Variants in WWOX observed in about 807,000 individuals in gnomAD.
WWOX encodes WW domain-containing oxidoreductase.
Under a neutral mutation model 46.2 loss-of-function variants are expected in WWOX, and 69 were observed. The observed-to-expected ratio is 1.49, with a 90% CI of 1.23 to 1.82. The LOEUF (loss-of-function observed/expected upper bound fraction) is 1.82, where lower values mean the gene tolerates loss of function less well. Among genes scored for constraint, WWOX ranks in the 40% most tolerant of loss-of-function variants. The probability of loss-of-function intolerance (pLI) is 0.00; values close to 1 mark genes in which losing one functional copy is unlikely to be tolerated. For synonymous variants in WWOX, 359 were observed against 202.6 expected (o/e 1.77, Z -6.56); for missense variants, 919 against 542.6 (o/e 1.69, Z -6.89).
At chr16:79,166,348 C>T (rs575204732) in intron 8 of WWOX, among the ~76,000 whole-genome samples, 2 of 152,242 alleles carry the variant, frequency 1.3e-5, no homozygotes, top group Non-Finnish European at 2.9e-5. Flanking sequence ...TTATTTCCAC[C>T]ACAAAGATTG....
At position 78,751,469 on chromosome 16, in the gene WWOX, A is replaced by G. The variant is rs1043805092; in HGVS notation, c.1056+318717A>G. Among the ~76,000 whole-genome samples, 42 of 143,720 alleles carry G rather than the reference A, an allele frequency of 2.9e-4. 1 individual carries two copies. The highest frequency in any genetic ancestry group is 3.3e-4 in the African/African-American group (13 of 39,006). 94.3% of individuals were successfully genotyped at this position (143,720 alleles called of 152,430 possible). The stretch of plus-strand genomic sequence containing the variant: ...TATATATTTATCAGATTTTATATAT[A>G]TATATATATATATATATATGCATAT... On this transcript the variant is annotated intron_variant, in intron 8 of 8. Transcript: ENST00000566780.
intron 5 of WWOX, among the ~76,000 whole-genome samples, chr16:78,242,004 G>A (rs573472959): frequency 2.6e-5 from 4 of 152,316 alleles, no homozygotes; most frequent in African/African-American, 9.6e-5. Context: ...TTGAGGCTGA[G>A]AAATGGAATG....
chr16:78,439,836 T>G (rs973486106), intron 8 of WWOX, among the ~76,000 whole-genome samples: 3 of 152,214 alleles, frequency 2.0e-5, no homozygotes, highest in Non-Finnish European at 4.4e-5. Context: ...CCCTCATGCT[T>G]ACAAGATGGC....
chr16:78,188,859 G>A (rs1050123298), intron 5 of WWOX, among the ~76,000 whole-genome samples: 2 of 152,146 alleles, frequency 1.3e-5, no homozygotes, highest in East Asian at 1.9e-4. Flanking sequence ...TATGACACAT[G>A]CTCTGTTTTA....
At chr16:78,347,544 G>T (rs368749554) in intron 5 of WWOX, among the ~76,000 whole-genome samples, 1 of 118,552 alleles carries the variant, frequency 8.4e-6, no homozygotes, top group African/African-American at 2.9e-5. Context: ...CTTCTTAGGC[G>T]TGTTGCATCT....
chr16:78,496,475 G>C (rs978977433), intron 8 of WWOX: 1 of 152,192 alleles, frequency 6.6e-6, no homozygotes, highest in African/African-American at 2.4e-5. Context: ...GTTAGCACGG[G>C]GTTGGCATTG....
At chr16:79,098,178 G>C (rs564157925) in intron 8 of WWOX, among the ~76,000 whole-genome samples, 45 of 152,292 alleles carry the variant, frequency 3.0e-4, no homozygotes, top group Admixed American at 3.3e-4. Context: ...AAAACACACA[G>C]ATGCCTGGGC....
intron 8 of WWOX, among the ~76,000 whole-genome samples, chr16:78,466,473 G>C (rs16944107): frequency 4.6e-5 from 7 of 152,180 alleles, no homozygotes; most frequent in African/African-American, 1.7e-4. Context: ...TCAGCAAAAA[G>C]AGGCTAACAC....
At chr16:79,026,386 C>T (rs914387261) in intron 8 of WWOX, among the ~76,000 whole-genome samples, 7 of 151,642 alleles carry the variant, frequency 4.6e-5, no homozygotes, top group Non-Finnish European at 8.8e-5. Flanking sequence ...TCTGAGATAC[C>T]TTCCAGACTC....
rs1398513293 is a variant in WWOX at position 78,406,331 on chromosome 16, T to C, written c.606-18539T>C. On this transcript the variant is annotated intron_variant, in intron 6 of 8. Coordinates refer to ENST00000566780, the MANE Select transcript of WWOX (RefSeq NM_016373.4). ...ATATATATATATATATATATATATA[T>C]ATATATATATATATATATATATATT... Among the ~76,000 whole-genome samples, 4 of 95,078 alleles carry C rather than the reference T, an allele frequency of 4.2e-5. 1 individual carries two copies. The highest frequency in any genetic ancestry group is 8.2e-5 in the African/African-American group (1 of 12,266). 62.4% of individuals were successfully genotyped at this position (95,078 alleles called of 152,430 possible).
At chr16:78,821,962 G>A (rs757170620) in intron 8 of WWOX, among the ~76,000 whole-genome samples, 1 of 152,028 alleles carries the variant, frequency 6.6e-6, no homozygotes, top group Non-Finnish European at 1.5e-5. Flanking sequence ...CAGCAGCCTC[G>A]ACCTACCAGG....
intron 6 of WWOX, among the ~76,000 whole-genome samples, chr16:78,410,094 G>A (rs1263158635): frequency 6.6e-6 from 1 of 152,248 alleles, no homozygotes; most frequent in African/African-American, 2.4e-5. Flanking sequence ...GAGTTCACAT[G>A]ATATCTGGCA....
intron 8 of WWOX, among the ~76,000 whole-genome samples, chr16:78,618,510 A>T (rs1470792969): frequency 6.6e-6 from 1 of 152,028 alleles, no homozygotes; most frequent in African/African-American, 2.4e-5. Flanking sequence ...GTCATATTGG[A>T]TTAGGGTCCA....
At chr16:78,108,977 G>C (rs534953968) in intron 2 of WWOX, among the ~76,000 whole-genome samples, 1 of 152,284 alleles carries the variant, frequency 6.6e-6, no homozygotes, top group African/African-American at 2.4e-5. Flanking sequence ...GACAGAGTGA[G>C]ATGCTGTCTG....
intron 8 of WWOX, among the ~76,000 whole-genome samples, chr16:79,146,431 C>G (rs886202309): frequency 5.9e-5 from 9 of 152,116 alleles, no homozygotes; most frequent in Non-Finnish European, 1.3e-4. Flanking sequence ...TGCATCCGAT[C>G]ACAGGTCTGT....
intron 8 of WWOX, among the ~76,000 whole-genome samples, chr16:79,108,005 G>A (rs1397792512): frequency 2.0e-5 from 3 of 152,194 alleles, no homozygotes; most frequent in Non-Finnish European, 4.4e-5. Context: ...TTCAGCATAT[G>A]TATTACAAAA....
At chr16:79,053,265 C>T (rs937951048) in intron 8 of WWOX, among the ~76,000 whole-genome samples, 2 of 151,960 alleles carry the variant, frequency 1.3e-5, no homozygotes, top group Non-Finnish European at 2.9e-5. Context: ...GCTTTTTTCC[C>T]CTACATAAAT....
intron 8 of WWOX, among the ~76,000 whole-genome samples, chr16:78,963,508 T>C (rs2046310510): frequency 6.6e-6 from 1 of 152,172 alleles, no homozygotes; most frequent in Non-Finnish European, 1.5e-5. Context: ...CTAAATAAGT[T>C]GCAGACAGCA....
At chr16:78,425,117 A>C (rs1290823263) in intron 7 of WWOX, 62 bp downstream of exon 7, 1 of 1,598,062 alleles carries the variant, frequency 6.3e-7, no homozygotes, top group African/African-American at 1.3e-5. Context: ...ATATTCCCCC[A>C]AGGCTCTCAT....
Sources: allele counts gnomAD v4.1 joint callset (sites outside exome capture counted in the v4.1 genomes callset), GRCh38; gene constraint gnomAD v4.1.1; transcripts MANE v1.5; gene names NCBI Gene and HGNC (gene_info 2026-07-23, HGNC 2026-07-21).